PDE1B: variants seen among roughly 807,000 people sequenced by gnomAD.
PDE1B encodes the protein dual specificity calcium/calmodulin-dependent 3',5'-cyclic nucleotide phosphodiesterase 1B.
Under a neutral mutation model 66.7 loss-of-function variants are expected in PDE1B, and 13 were observed. That is an observed-to-expected ratio of 0.19 (90% CI 0.13 to 0.31). PDE1B has a LOEUF of 0.31. Among genes scored for constraint, PDE1B ranks in the 10% least tolerant of loss-of-function variants. The pLI is 1.00. For missense variants in PDE1B, 485 were observed against 682.3 expected (o/e 0.71, Z 3.22); for synonymous variants, 230 against 253.9 (o/e 0.91, Z 0.90).
At chr12:54,563,687 G>T (rs547234616) in intron 2 of PDE1B, among the ~76,000 whole-genome samples, 1 of 152,276 alleles carries the variant, frequency 6.6e-6, no homozygotes, top group Non-Finnish European at 1.5e-5. Context: ...GAGACCTTTT[G>T]TATGTGCCAG....
At position 54,578,570 on chromosome 12, in the gene PDE1B, G is replaced by A. The variant is rs1358359919; in HGVS notation, c.*728G>A. 1 of 152,284 alleles carries A rather than the reference G, an allele frequency of 6.6e-6. No homozygotes were observed. The highest frequency in any genetic ancestry group is 2.1e-4 in the South Asian group (1 of 4,828). The allele number at this position is 152,284 out of a possible 1,614,324, so 9.4% of individuals were successfully genotyped here. On this transcript the variant is annotated 3_prime_UTR_variant, in exon 16 of 16. Coordinates refer to ENST00000243052, the MANE Select transcript of PDE1B (RefSeq NM_000924.4). ...CCAGGGGCTGCGGGAGGCCTTTCCT[G>A]GGACCTTCCTTGGGACTGGTCTGGG...
intron 2 of PDE1B, among the ~76,000 whole-genome samples, chr12:54,551,367 A>G (rs1196624417): frequency 1.3e-5 from 2 of 152,220 alleles, no homozygotes; most frequent in African/African-American, 4.8e-5. Context: ...GCCTCTGGCC[A>G]ATCCAATTTG....
At position 54,573,993 on chromosome 12, in the gene PDE1B, G is replaced by T. The variant is rs990175768; in HGVS notation, c.1064+284G>T. On this transcript the variant is annotated intron_variant, in intron 10 of 15. Transcript: ENST00000243052. The surrounding 1 kb of genome is among the most constrained non-coding windows in gnomAD (Gnocchi z 5.2). ...GGAATCTAAGATGGGGGTTCTCATC[G>T]TAGCTCTGGGACAGGCTTACTCTGG... The T allele has an allele frequency of 4.4e-6, 2 of 450,118 alleles. No individual in the cohort carries two copies. Among genetic ancestry groups the T allele is most frequent in the East Asian group, 8.3e-5 (2 of 23,982 alleles). 27.9% of individuals were successfully genotyped at this position (450,118 alleles called of 1,614,324 possible). A position where few individuals can be genotyped will look rare whatever the true frequency, so the allele number is the denominator to read the frequency against.
chr12:54,554,166 G>C (rs778015173), intron 2 of PDE1B: 1 of 152,266 alleles, frequency 6.6e-6, no homozygotes, highest in Non-Finnish European at 1.5e-5. Context: ...AAGAAGCTGA[G>C]ACTGGGTGCC....
chr12:54,568,465 AATACACACACAC>A (rs1384084545), intron 3 of PDE1B, among the ~76,000 whole-genome samples: 2 of 76,306 alleles, frequency 2.6e-5, no homozygotes, highest in African/African-American at 5.5e-5. Context: ...CCTGTCTAAA[AATACACACACAC>A]ACACACACAC....
Position 54,579,205 on chromosome 12 carries a change from C to A in PDE1B, c.*1363C>A. ...CTGCCCTTGGTTTCCCAGACCCCTG[C>A]TATAGCCAGAGAACAATAAAGAAGG... On this transcript the variant is annotated 3_prime_UTR_variant, in exon 16 of 16. Coordinates refer to ENST00000243052, the MANE Select transcript of PDE1B (RefSeq NM_000924.4). 1.0e-6 allele frequency: 1 copy of A among 978,746 alleles called. No individual in the cohort carries two copies. Among genetic ancestry groups the A allele is most frequent in the Non-Finnish European group, 1.2e-6 (1 of 823,964 alleles). The allele number at this position is 978,746 out of a possible 1,614,324, so 60.6% of individuals were successfully genotyped here.
In PDE1B at chr12:54,573,747, G is replaced by A; in HGVS notation, c.1064+38G>A. 6.7e-7 allele frequency: 1 copy of A among 1,495,838 alleles called. No homozygotes were observed. The highest frequency in any genetic ancestry group is 1.7e-4 in the Middle Eastern group (1 of 5,824). The allele number at this position is 1,495,838 out of a possible 1,614,324, so 92.7% of individuals were successfully genotyped here. On this transcript the variant is annotated intron_variant, in intron 10 of 15. Coordinates refer to ENST00000243052, the MANE Select transcript of PDE1B (RefSeq NM_000924.4). The surrounding 1 kb of genome is among the most constrained non-coding windows in gnomAD (Gnocchi z 5.2). ...GGGGTGTGGCTGGGGCCAGGCCAGA[G>A]GGAGGGGTGTGTGAACTGGGGGGGT...
At chr12:54,562,904 A>T (rs1226575919) in intron 2 of PDE1B, among the ~76,000 whole-genome samples, 1 of 152,202 alleles carries the variant, frequency 6.6e-6, no homozygotes, top group Non-Finnish European at 1.5e-5. Flanking sequence ...AACAGAAGCT[A>T]TACAAGAGCT....
chr12:54,576,103 G>T lies in PDE1B; in HGVS notation c.1376+3G>T. On this transcript the variant is annotated splice_donor_region_variant and intron_variant, in intron 13 of 15. Coordinates refer to ENST00000243052, the MANE Select transcript of PDE1B (RefSeq NM_000924.4). The stretch of plus-strand genomic sequence containing the variant: ...TCCAAGTCTAAAAACCAGCCCAGGT[G>T]AGGGTGGCTGGGGTAGCCAGATATC... 1 of 1,575,368 alleles carries T rather than the reference G, an allele frequency of 6.3e-7. No individual in the cohort carries two copies. Among genetic ancestry groups the T allele is most frequent in the Admixed American group, 1.7e-5 (1 of 59,976 alleles).
At position 54,571,786 on chromosome 12, in the gene PDE1B, G is replaced by A. The variant is rs182036443; in HGVS notation, c.595-815G>A. ...GTCCTTTAAAATTTCCTGAATTTGG[G>A]GCACAGCCCTCCAGGGGTGCGGGTG... On this transcript the variant is annotated intron_variant, in intron 6 of 15. Transcript: ENST00000243052. The A allele has an allele frequency of 2.0e-5, 3 of 152,308 alleles. No homozygotes were observed. The East Asian group carries it at 5.8e-4, about 29-fold the overall frequency. 9.4% of individuals were successfully genotyped at this position (152,308 alleles called of 1,614,324 possible). A position where few individuals can be genotyped will look rare whatever the true frequency, so the allele number is the denominator to read the frequency against.
Position 54,549,622 on chromosome 12 carries a change from T to TAGCGGCAGC in PDE1B, c.-160_-152dup, listed in dbSNP as rs1957244160. On this transcript the variant is annotated 5_prime_UTR_variant, in exon 1 of 16. Coordinates refer to ENST00000243052, the MANE Select transcript of PDE1B (RefSeq NM_000924.4). ...TGGCAGCGCGCGGCGGCGGCGGCGG[T>TAGCGGCAGC]AGCGGCAGCAGCAGCGGCGGTGCGG... 2.2e-6 allele frequency: 1 copy of TAGCGGCAGC among 449,500 alleles called. No individual in the cohort carries two copies. Among genetic ancestry groups the TAGCGGCAGC allele is most frequent in the Admixed American group, 4.0e-5 (1 of 24,902 alleles). The allele number at this position is 449,500 out of a possible 1,614,324, so 27.8% of individuals were successfully genotyped here.
chr12:54,566,650 G>A (rs1271029164), intron 2 of PDE1B, among the ~76,000 whole-genome samples: 1 of 152,174 alleles, frequency 6.6e-6, no homozygotes, highest in Admixed American at 6.5e-5. Flanking sequence ...GCTTGTACCT[G>A]CCTAATTCTG....
chr12:54,551,428 G>A (rs1030942663), intron 2 of PDE1B, among the ~76,000 whole-genome samples: 3 of 152,180 alleles, frequency 2.0e-5, no homozygotes, highest in African/African-American at 7.2e-5. Context: ...TGAAGAAATG[G>A]AAAACCAGAT....
chr12:54,553,274 C>T (rs1253437466), intron 2 of PDE1B, among the ~76,000 whole-genome samples: 1 of 152,162 alleles, frequency 6.6e-6, no homozygotes, highest in Non-Finnish European at 1.5e-5. Context: ...CTCTTTTTCC[C>T]AGGATGGTAC....
In PDE1B at chr12:54,573,215, C is replaced by T. The variant is rs775517543; in HGVS notation, c.803C>T (p.Thr268Met). 3.7e-6 allele frequency: 6 copies of T among 1,613,894 alleles called. No homozygotes were observed. Among genetic ancestry groups the T allele is most frequent in the East Asian group, 2.2e-5 (1 of 44,872 alleles). The change falls in exon 8 of 16, where the codon ACG becomes ATG. Residue 268 changes from threonine (T) to methionine (M), a missense_variant. By Grantham distance (81) the Thr-to-Met change is moderately conservative (BLOSUM62 -1). Around this residue, in one of 4 missense-constraint regions of PDE1B, gnomAD observed 282 missense variants for 453.4 expected, o/e 0.62. Transcript: ENST00000243052. The surrounding 1 kb of genome is among the most constrained non-coding windows in gnomAD (Gnocchi z 5.2). ...FAAAIHDYEHTGTTNSFHIQT... is the reference protein window; with the variant it reads ...FAAAIHDYEHMGTTNSFHIQT... ...GCAGCTATCCATGATTATGAGCACA[C>T]GGGCACTACCAACAGCTTCCACATC...
intron 15 of PDE1B, 145 bp downstream of exon 15, chr12:54,577,490 C>G (rs1408182273): frequency 6.3e-7 from 1 of 1,595,480 alleles, no homozygotes. Context: ...AGAATGGAGC[C>G]AAAGTGTGGG....
In PDE1B at chr12:54,570,258, C is replaced by G. The variant is rs781277445; in HGVS notation, c.495C>G (p.Cys165Trp). Reference protein sequence around the residue: ...LNCLKNLDLWCFDVFSLNQAA... With the variant: ...LNCLKNLDLWWFDVFSLNQAA... Reference sequence around the variant, plus strand: ...CTCCATAGAACCTGGATCTCTGGTGCTTTGATGTCTTTTCCTTGAACCAGG... The same window carrying G: ...CTCCATAGAACCTGGATCTCTGGTGGTTTGATGTCTTTTCCTTGAACCAGG... The change falls in exon 6 of 16, where the codon TGC becomes TGG. Residue 165 changes from cysteine (C) to tryptophan (W), a missense_variant. Cys to Trp is a radical substitution (Grantham distance 215). Around this residue, in one of 4 missense-constraint regions of PDE1B, gnomAD observed 282 missense variants for 453.4 expected, o/e 0.62. Coordinates refer to ENST00000243052, the MANE Select transcript of PDE1B (RefSeq NM_000924.4). 5 of 1,610,404 alleles carry G rather than the reference C, an allele frequency of 3.1e-6. No homozygotes were observed. The Admixed American group carries it at 5.0e-5, about 16-fold the overall frequency.
intron 2 of PDE1B, among the ~76,000 whole-genome samples, chr12:54,555,230 T>A (rs1957328913): frequency 6.6e-6 from 1 of 152,224 alleles, no homozygotes; most frequent in Admixed American, 6.5e-5. Context: ...GCCCAGGGGC[T>A]GCCATAGGTG....
Position 54,575,265 on chromosome 12 carries a change from C to T in PDE1B, c.1185+47C>T, listed in dbSNP as rs763053140. ...CCCTGTGCCTATGGGGGCCTTCTCT[C>T]CCCTTTTGCCCTCCAAGTTCCCCAA... On this transcript the variant is annotated intron_variant, in intron 11 of 15. Transcript: ENST00000243052. The surrounding 1 kb of genome is among the most constrained non-coding windows in gnomAD (Gnocchi z 4.0). 11 of 1,563,424 alleles carry T rather than the reference C, an allele frequency of 7.0e-6. No individual in the cohort carries two copies. The highest frequency in any genetic ancestry group is 8.8e-6 in the Non-Finnish European group (10 of 1,135,860).
Sources: gnomAD v4.1 joint callset for allele counts (sites outside exome capture counted in the v4.1 genomes callset) on GRCh38, gnomAD v4.1.1 for gene constraint, gnomAD v4.1.1 regional missense constraint, Gnocchi (gnomAD v3.1) non-coding constraint, MANE v1.5 for transcripts, NCBI Gene and HGNC (gene_info 2026-07-23, HGNC 2026-07-21) for gene names.